FAAH2: variants seen among roughly 807,000 people sequenced by gnomAD.
FAAH2 encodes the protein fatty acid amide hydrolase 2.
FAAH2 carries 60 observed loss-of-function variants against 36.9 expected under a neutral mutation model. That is an observed-to-expected ratio of 1.63 (90% CI 1.32 to 2.02). The LOEUF is 2.02. FAAH2 is among the 30% of genes most tolerant of loss of function. The probability of loss-of-function intolerance (pLI) is 0.00; values close to 1 mark genes in which losing one functional copy is unlikely to be tolerated. For synonymous variants in FAAH2, 214 were observed against 143.8 expected (o/e 1.49, Z -3.49); for missense variants, 689 against 397.5 (o/e 1.73, Z -6.23).
chrX:57,220,521 C>T, the FAAH2 span, among the ~76,000 whole-genome samples: 1 of 111,770 alleles, frequency 8.9e-6, no homozygotes, highest in Non-Finnish European at 1.9e-5. Flanking sequence ...AGAAGCTTGA[C>T]GACGGCCGTC....
chrX:57,179,698 TAGAC>T, the FAAH2 span, among the ~76,000 whole-genome samples: 2 of 111,495 alleles, frequency 1.8e-5, no homozygotes, highest in African/African-American at 6.5e-5. Context: ...CTGACAGTAT[TAGAC>T]AGAACATCAA....
At chrX:57,160,333 A>G in the FAAH2 span, among the ~76,000 whole-genome samples, 1 of 111,536 alleles carries the variant, frequency 9.0e-6, no homozygotes, top group Non-Finnish European at 1.9e-5. Context: ...AGGCTTTGGT[A>G]TCAGGATGAT....
chrX:57,317,806 A>G (rs1293959670), intron 3 of FAAH2, among the ~76,000 whole-genome samples: 1 of 112,129 alleles, frequency 8.9e-6, no homozygotes, highest in Admixed American at 9.5e-5. Flanking sequence ...TGGAAAATAT[A>G]ACCAACAGTC....
At chrX:57,222,031 C>T in the FAAH2 span, among the ~76,000 whole-genome samples, 2,683 of 111,067 alleles carry the variant, frequency 0.024, 98 homozygotes, top group African/African-American at 0.083. Flanking sequence ...AGTATTAGGT[C>T]TCCCCTAAAG....
At chrX:57,374,134 G>C (rs2054614127) in intron 5 of FAAH2, among the ~76,000 whole-genome samples, 3 of 111,663 alleles carry the variant, frequency 2.7e-5, no homozygotes, top group African/African-American at 9.8e-5. Context: ...AGTATAGTTT[G>C]AAATTAGGTA....
chrX:57,211,319 C>T, the FAAH2 span, among the ~76,000 whole-genome samples: 5 of 111,625 alleles, frequency 4.5e-5, no homozygotes, highest in African/African-American at 1.3e-4. Context: ...TTTCTTCACT[C>T]GTCTCTGGAA....
At chrX:57,221,342 G>GT in the FAAH2 span, among the ~76,000 whole-genome samples, 1 of 110,703 alleles carries the variant, frequency 9.0e-6, no homozygotes, top group African/African-American at 3.3e-5. Context: ...ACTTTTTCTT[G>GT]TCCCCCATCT....
At chrX:57,313,041 C>T (rs1473245149) in intron 3 of FAAH2, among the ~76,000 whole-genome samples, 1 of 111,204 alleles carries the variant, frequency 9.0e-6, no homozygotes, top group Non-Finnish European at 1.9e-5. Flanking sequence ...TAGGAAACAA[C>T]AAAACAGAGC....
chrX:57,219,587 C>T, the FAAH2 span, among the ~76,000 whole-genome samples: 1 of 112,407 alleles, frequency 8.9e-6, no homozygotes, highest in African/African-American at 3.2e-5. Context: ...CTGGCATGTG[C>T]CAGGCACCCG....
the FAAH2 span, chrX:57,136,991 C>G: frequency 5.6e-6 from 5 of 888,388 alleles, no homozygotes; most frequent in Non-Finnish European, 7.0e-6. Flanking sequence ...CTGTAACCCC[C>G]ACTGCCTATC....
intron 2 of FAAH2, among the ~76,000 whole-genome samples, chrX:57,294,232 T>C (rs1399037760): frequency 5.3e-5 from 6 of 112,283 alleles, no homozygotes; most frequent in Non-Finnish European, 1.1e-4. Context: ...CACAGTTCTA[T>C]TGCATTGTTA....
At chrX:57,312,902 A>G (rs915890907) in intron 3 of FAAH2, among the ~76,000 whole-genome samples, 1 of 111,854 alleles carries the variant, frequency 8.9e-6, no homozygotes, top group Non-Finnish European at 1.9e-5. Flanking sequence ...AATGACTGAG[A>G]TGACACAGTC....
intron 8 of FAAH2, among the ~76,000 whole-genome samples, chrX:57,434,851 G>T (rs1265288272): frequency 2.7e-5 from 3 of 111,111 alleles, no homozygotes; most frequent in Non-Finnish European, 3.8e-5. Context: ...CAACATAAAA[G>T]AAATACTTCT....
the FAAH2 span, among the ~76,000 whole-genome samples, chrX:57,276,427 T>C: frequency 4.5e-5 from 5 of 111,654 alleles, no homozygotes; most frequent in African/African-American, 1.6e-4. Flanking sequence ...TAAAGCAGCG[T>C]GTAGAGGGAA....
intron 10 of FAAH2, among the ~76,000 whole-genome samples, chrX:57,469,374 C>T (rs2057114291): frequency 9.0e-6 from 1 of 111,388 alleles, no homozygotes; most frequent in Non-Finnish European, 1.9e-5. Flanking sequence ...CAGAGACACA[C>T]ATTGGCTCAA....
intron 3 of FAAH2, among the ~76,000 whole-genome samples, chrX:57,314,178 G>C (rs2052771363): frequency 8.9e-6 from 1 of 111,779 alleles, no homozygotes; most frequent in Non-Finnish European, 1.9e-5. Context: ...TTAATTCAAT[G>C]AGAAGACTGA....
the FAAH2 span, among the ~76,000 whole-genome samples, chrX:57,252,967 C>T: frequency 2.6e-4 from 29 of 111,488 alleles, no homozygotes; most frequent in Admixed American, 2.1e-3. Flanking sequence ...CAAACTTCTC[C>T]GAGCTAAAGG....
the FAAH2 span, among the ~76,000 whole-genome samples, chrX:57,222,849 C>T: frequency 9.0e-6 from 1 of 111,469 alleles, no homozygotes; most frequent in Non-Finnish European, 1.9e-5. Flanking sequence ...GCCCCCTTTA[C>T]TTAGTTTGTA....
At chrX:57,445,624 G>T (rs2056658348) in intron 8 of FAAH2, among the ~76,000 whole-genome samples, 1 of 111,774 alleles carries the variant, frequency 8.9e-6, no homozygotes, top group Non-Finnish European at 1.9e-5. Flanking sequence ...GACCATCCAG[G>T]AGCTAAGGCC....
Sources: allele counts gnomAD v4.1 joint callset (sites outside exome capture counted in the v4.1 genomes callset), GRCh38; gene constraint gnomAD v4.1.1; transcripts MANE v1.5; gene names NCBI Gene and HGNC (gene_info 2026-07-23, HGNC 2026-07-21).